The following KSR2 variants were observed in gnomAD, a reference collection of about 807,000 sequenced individuals.
The protein encoded by KSR2 is kinase suppressor of ras 2.
A neutral mutation model predicts 107.8 loss-of-function variants in KSR2; 25 were observed. The observed-to-expected ratio is 0.23, with a 90% confidence interval of 0.17 to 0.32. The LOEUF (loss-of-function observed/expected upper bound fraction) is 0.32, where lower values mean the gene tolerates loss of function less well. KSR2 is among the 10% of genes least tolerant of loss of function. The pLI is 1.00. For synonymous variants in KSR2, 480 were observed against 507.0 expected, an observed-to-expected ratio of 0.95 and a Z score of 0.71; for missense variants, 887 against 1,268.9, an observed-to-expected ratio of 0.70 and a Z score of 4.57.
chr12:117,713,303 T>C (rs1441667395), intron 4 of KSR2, among the ~76,000 whole-genome samples: 2 of 152,104 alleles, frequency 1.3e-5, no homozygotes, highest in Admixed American at 1.3e-4. Flanking sequence ...TCATTATCCA[T>C]GTCTATAGAT....
At chr12:117,710,146 A>T (rs1886701532) in intron 4 of KSR2, among the ~76,000 whole-genome samples, 1 of 152,190 alleles carries the variant, frequency 6.6e-6, no homozygotes, top group Non-Finnish European at 1.5e-5. Context: ...AGTGAAAAAA[A>T]TAGCGAGCCC....
At position 117,820,210 on chromosome 12, in the gene KSR2, C is replaced by T. The variant is rs189864367; in HGVS notation, c.472+35218G>A. On this transcript the variant is annotated intron_variant, in intron 3 of 19. Transcript: ENST00000339824. The stretch of plus-strand genomic sequence containing the variant: ...CTATGAGAGGGAGAAATCAGAGGAG[C>T]GTTAAAGTCTAGGTGACCTTGGACC... Among the ~76,000 whole-genome samples the T allele has an allele frequency of 1.9e-3, 283 of 152,210 alleles. 3 individuals are homozygous for T. The highest frequency in any genetic ancestry group is 6.7e-3 in the African/African-American group (277 of 41,528).
chr12:117,616,551 G>A (rs1221916348), intron 5 of KSR2, among the ~76,000 whole-genome samples: 2 of 152,092 alleles, frequency 1.3e-5, no homozygotes, highest in Non-Finnish European at 2.9e-5. Flanking sequence ...CTCTCCTTGG[G>A]GTCAGCCCAC....
chr12:117,925,852 C>T (rs1895500114), intron 1 of KSR2, among the ~76,000 whole-genome samples: 2 of 152,040 alleles, frequency 1.3e-5, no homozygotes, highest in Admixed American at 1.3e-4. Context: ...CGGGACAGGG[C>T]CCAATGTAGC....
rs150949721 is a variant in KSR2 at position 117,897,347 on chromosome 12, A to G, written c.181-36916T>C. 2.0e-5 allele frequency among the ~76,000 whole-genome samples: 3 copies of G among 152,144 alleles called. No homozygotes were observed. The highest frequency in any genetic ancestry group is 6.6e-5 in the Admixed American group (1 of 15,260). ...AAAGGTGAGAAGGTTGCTTTCCCTG[A>G]CCCAGCAAGTCTGAGATCTCGGCTT... On this transcript the variant is annotated intron_variant, in intron 1 of 19. Transcript: ENST00000339824. This position sits in a 1 kb window ranked among gnomAD's most constrained non-coding sequence, Gnocchi z 4.5.
chr12:117,481,859 G>A (rs917991289), intron 16 of KSR2, among the ~76,000 whole-genome samples: 8 of 152,238 alleles, frequency 5.3e-5, no homozygotes, highest in South Asian at 4.1e-4. Context: ...GGCCTCTGGC[G>A]GCTGCACTAG....
At chr12:117,564,368 G>A (rs1878322702) in intron 7 of KSR2, among the ~76,000 whole-genome samples, 1 of 152,216 alleles carries the variant, frequency 6.6e-6, no homozygotes, top group Non-Finnish European at 1.5e-5. Flanking sequence ...GGGCAAGACA[G>A]CATCTAATGA....
intron 1 of KSR2, among the ~76,000 whole-genome samples, chr12:117,962,418 C>A (rs536993907): frequency 6.7e-6 from 1 of 150,070 alleles, no homozygotes; most frequent in African/African-American, 2.4e-5. Flanking sequence ...TATGACCCAT[C>A]GCCTGGGTTT....
At chr12:117,539,619 A>G (rs1876321907) in intron 10 of KSR2, 100 bp downstream of exon 10, 2 of 1,193,790 alleles carry the variant, frequency 1.7e-6, no homozygotes, top group South Asian at 1.7e-5. Context: ...GCTTTCCTGC[A>G]GAGACTTGCT....
chr12:117,826,080 T>C (rs1891739526), intron 3 of KSR2, among the ~76,000 whole-genome samples: 1 of 151,650 alleles, frequency 6.6e-6, no homozygotes, highest in South Asian at 2.1e-4. Context: ...GGTGGGTGTA[T>C]GGATGGAAGG....
intron 14 of KSR2, among the ~76,000 whole-genome samples, chr12:117,514,720 T>C (rs569007034): frequency 6.8e-4 from 104 of 152,052 alleles, no homozygotes; most frequent in Non-Finnish European, 9.1e-4. Flanking sequence ...GGCTAGTTTT[T>C]TAATTTTTGT....
intron 1 of KSR2, among the ~76,000 whole-genome samples, chr12:117,877,423 A>G (rs946572998): frequency 1.1e-4 from 17 of 152,236 alleles, no homozygotes; most frequent in African/African-American, 4.1e-4. Context: ...TTATAATAAT[A>G]AAACTCACAT....
Position 117,468,977 on chromosome 12 carries a change from C to T in KSR2, c.2846+685G>A, listed in dbSNP as rs143040314. 1.4e-3 allele frequency among the ~76,000 whole-genome samples: 216 copies of T among 152,302 alleles called. 7 individuals carry two copies. The East Asian group carries it at 0.036, about 25-fold the overall frequency. On this transcript the variant is annotated intron_variant, in intron 19 of 19. Transcript: ENST00000339824. ...ACCATGAATACCTGGGAGCAACTGG[C>T]AGAGCCATGGGGAGCCCTCAGCAGC...
rs1452962283 is a variant in KSR2, at chr12:117,459,759, G to A, written c.*7440C>T. The A allele has an allele frequency of 3.3e-5, 5 of 152,212 alleles. No individual in the cohort carries two copies. Among genetic ancestry groups the A allele is most frequent in the Non-Finnish European group, 5.9e-5 (4 of 68,036 alleles). The allele number at this position is 152,212 out of a possible 1,614,324, so 9.4% of individuals were successfully genotyped here. A position where few individuals can be genotyped will look rare whatever the true frequency, so the allele number is the denominator to read the frequency against. On this transcript the variant is annotated 3_prime_UTR_variant, in exon 20 of 20. Transcript: ENST00000339824. ...ACCATCAGCCAGATGTGGTGTTCTT[G>A]TTCATGGAACCACTGTCCACATGGA...
chr12:117,728,261 C>CTTT (rs1887520714), intron 4 of KSR2, among the ~76,000 whole-genome samples: 1 of 152,162 alleles, frequency 6.6e-6, no homozygotes, highest in South Asian at 2.1e-4. Flanking sequence ...AATCAGGAAG[C>CTTT]ATGTCCTCTT....
intron 4 of KSR2, among the ~76,000 whole-genome samples, chr12:117,687,948 A>G (rs1885644052): frequency 6.6e-6 from 1 of 152,216 alleles, no homozygotes; most frequent in African/African-American, 2.4e-5. Context: ...TTTCCTGTCA[A>G]TCCTGAGAGT....
chr12:117,617,757 T>C (rs1439760673), intron 5 of KSR2, among the ~76,000 whole-genome samples: 1 of 152,216 alleles, frequency 6.6e-6, no homozygotes, highest in African/African-American at 2.4e-5. Flanking sequence ...TGTTTCTTCA[T>C]TGTGGTAGCA....
chr12:117,609,424 A>C (rs1372567261), intron 5 of KSR2, among the ~76,000 whole-genome samples: 1 of 152,220 alleles, frequency 6.6e-6, no homozygotes, highest in Non-Finnish European at 1.5e-5. Flanking sequence ...AACTTACGGC[A>C]CCAAGGCCAA....
At chr12:117,780,307 C>T (rs1368965225) in intron 3 of KSR2, among the ~76,000 whole-genome samples, 2 of 152,146 alleles carry the variant, frequency 1.3e-5, no homozygotes, top group Admixed American at 6.6e-5. Flanking sequence ...CTGGAAACAG[C>T]TCAGTGCCCA....
Sources: allele counts gnomAD v4.1 joint callset (sites outside exome capture counted in the v4.1 genomes callset), GRCh38; gene constraint gnomAD v4.1.1; non-coding constraint Gnocchi (gnomAD v3.1); transcripts MANE v1.5; gene names NCBI Gene and HGNC (gene_info 2026-07-23, HGNC 2026-07-21).